Variants in RECQL5 observed in about 807,000 individuals in gnomAD.
RECQL5 encodes the protein RecQ like helicase 5.
Under a neutral mutation model 103.4 loss-of-function variants are expected in RECQL5, and 88 were observed. That is an observed-to-expected ratio of 0.85 (90% confidence interval 0.72 to 1.02). RECQL5 has a LOEUF of 1.02. RECQL5 is among the 50% of genes least tolerant of loss of function. RECQL5 has a pLI of 0.00. For missense variants in RECQL5, 1,232 were observed against 1,284.3 expected, an observed-to-expected ratio of 0.96 and a Z score of 0.62; for synonymous variants, 552 against 507.9, an observed-to-expected ratio of 1.09 and a Z score of -1.17.
intron 8 of RECQL5, among the ~76,000 whole-genome samples, chr17:75,635,212 T>C (rs888978914): frequency 6.6e-6 from 1 of 152,208 alleles, no homozygotes; most frequent in Non-Finnish European, 1.5e-5. Flanking sequence ...CGGCTGGGGC[T>C]GGTGTCTGGG....
chr17:75,627,005 G>A lies in RECQL5; in HGVS notation c.*417C>T. The A allele has an allele frequency of 2.7e-6, 1 of 373,254 alleles. No homozygotes were observed. Among genetic ancestry groups the A allele is most frequent in the South Asian group, 2.0e-5 (1 of 49,090 alleles). 23.1% of individuals were successfully genotyped at this position (373,254 alleles called of 1,614,324 possible). On this transcript the variant is annotated 3_prime_UTR_variant, in exon 20 of 20. Coordinates refer to ENST00000317905, the MANE Select transcript of RECQL5 (RefSeq NM_004259.7). Reference sequence around the variant, plus strand: ...TCTGACCTGGGCAAGGCTGGAAGCTGGCATCGTAATGGATGGGGGAGTGGG... The same window carrying A: ...TCTGACCTGGGCAAGGCTGGAAGCTAGCATCGTAATGGATGGGGGAGTGGG...
At chr17:75,664,054 CAAAAAAA>C (rs34569441) in intron 3 of RECQL5, among the ~76,000 whole-genome samples, 1 of 105,714 alleles carries the variant, frequency 9.5e-6, no homozygotes, top group Admixed American at 1.1e-4. Flanking sequence ...AACTCCATCT[CAAAAAAA>C]AAAAAAAAAA....
intron 8 of RECQL5, chr17:75,650,612 T>C: frequency 6.2e-7 from 1 of 1,606,726 alleles, no homozygotes; most frequent in East Asian, 2.3e-5. Context: ...ATGTAAAAAC[T>C]CCTCCTGGGT....
At chr17:75,651,975 C>T (rs1055662089) in intron 7 of RECQL5, among the ~76,000 whole-genome samples, 3 of 151,986 alleles carry the variant, frequency 2.0e-5, no homozygotes, top group African/African-American at 7.3e-5. Context: ...ACCTGTAATC[C>T]CAGCACTTTG....
At position 75,666,509 on chromosome 17, in the gene RECQL5, G is replaced by A; in HGVS notation, c.49C>T (p.Arg17Trp). 2 of 1,614,098 alleles carry A rather than the reference G, an allele frequency of 1.2e-6. No individual in the cohort carries two copies. The highest frequency in any genetic ancestry group is 1.7e-6 in the Non-Finnish European group (2 of 1,180,010). Residue 17 changes from arginine (R) to tryptophan (W), a missense_variant, in exon 2 of 20, where the codon CGG becomes TGG. Coordinates refer to ENST00000317905, the MANE Select transcript of RECQL5 (RefSeq NM_004259.7). ...CCAAAGACCTTCTTCAGCGTACTCCGGACTCGCCGCTCAGGGTCAAAAGGA... is the reference window on the plus strand; with the variant it reads ...CCAAAGACCTTCTTCAGCGTACTCCAGACTCGCCGCTCAGGGTCAAAAGGA... ...TFPFDPERRV[R>W]STLKKVFGFD... is the part of the protein sequence containing the mutation.
At position 75,628,388 on chromosome 17, in the gene RECQL5, C is replaced by T. The variant is rs201903596; in HGVS notation, c.2635G>A (p.Val879Ile). The change falls in exon 18 of 20, where the codon GTC (valine) becomes ATC (isoleucine). Residue 879 changes from valine to isoleucine, a missense_variant. Coordinates refer to ENST00000317905, the MANE Select transcript of RECQL5 (RefSeq NM_004259.7). ...ACGCTGCCCTTGACCTCAGCTACGA[C>T]GGAGGGCTTGGCTGAGGGGCGTGGC... is the stretch of plus-strand genomic sequence containing the variant. ...KRPRPSAKPS[V>I]VAEVKGSVSA... The T allele has an allele frequency of 1.3e-4, 203 of 1,613,850 alleles. No individual in the cohort carries two copies. Among genetic ancestry groups the T allele is most frequent in the Non-Finnish European group, 1.5e-4 (173 of 1,180,030 alleles).
chr17:75,658,655 C>T (rs150410942), intron 6 of RECQL5, among the ~76,000 whole-genome samples, 195 bp from the exon 7 acceptor site: 152 of 152,228 alleles, frequency 1.0e-3, no homozygotes, highest in Admixed American at 2.6e-3. Context: ...TTAGAGGCCA[C>T]AGCAGGAGTT....
chr17:75,633,380 G>A, intron 8 of RECQL5: 2 of 1,232,548 alleles, frequency 1.6e-6, no homozygotes. Flanking sequence ...ATGTCACAGG[G>A]CCCGGCCCCT....
At chr17:75,647,612 C>T in intron 8 of RECQL5, 1 of 1,533,148 alleles carries the variant, frequency 6.5e-7, no homozygotes, top group African/African-American at 1.4e-5. Context: ...GCGAGCTGAC[C>T]TGCCCCCATT....
chr17:75,650,684 C>A (rs2059543601), intron 8 of RECQL5: 17 of 1,614,064 alleles, frequency 1.1e-5, no homozygotes, highest in Non-Finnish European at 1.4e-5. Context: ...CACCAAGCAG[C>A]CCTCAGACTC....
intron 2 of RECQL5, among the ~76,000 whole-genome samples, chr17:75,665,689 C>CAAAAAAA (rs1184942786): frequency 1.6e-5 from 1 of 63,400 alleles, no homozygotes; most frequent in Non-Finnish European, 3.1e-5. Context: ...GACTCTGTTT[C>CAAAAAAA]AAAAAAAAAA....
chr17:75,650,742 G>A, intron 8 of RECQL5: 1 of 1,608,466 alleles, frequency 6.2e-7, no homozygotes, highest in Non-Finnish European at 8.5e-7. Flanking sequence ...TAAAACAGAT[G>A]CGTGAGTTCA....
At position 75,666,561 on chromosome 17, in the gene RECQL5, A is replaced by G. The variant is rs375303190; in HGVS notation, c.-4T>C. Reference sequence around the variant, plus strand: ...AGGTGGTATGGTGGCTGCTCATCTTAGCCAAGAACAGTGGCCAAAGGTTAA... The same window carrying G: ...AGGTGGTATGGTGGCTGCTCATCTTGGCCAAGAACAGTGGCCAAAGGTTAA... On this transcript the variant is annotated 5_prime_UTR_variant, in exon 2 of 20. Coordinates refer to ENST00000317905, the MANE Select transcript of RECQL5 (RefSeq NM_004259.7). 2.5e-6 allele frequency: 4 copies of G among 1,613,814 alleles called. No individual in the cohort carries two copies. The African/African-American group carries it at 4.0e-5, about 16-fold the overall frequency.
chr17:75,628,522 C>CG, intron 17 of RECQL5, 80 bp from the exon 18 acceptor site: 1 of 1,541,008 alleles, frequency 6.5e-7, no homozygotes, highest in African/African-American at 1.4e-5. Flanking sequence ...ACTGGGTCCC[C>CG]GCACCAGCTG....
At position 75,651,166 on chromosome 17, in the gene RECQL5, A is replaced by G; in HGVS notation, c.1229+20T>C. ...TGATCTCACTGACACTTTGCTCCAC[A>G]TATAAAATAAGTCACTTACCCCAGT... On this transcript the variant is annotated intron_variant, in intron 8 of 19. Coordinates refer to ENST00000317905, the MANE Select transcript of RECQL5 (RefSeq NM_004259.7). 6.2e-7 allele frequency: 1 copy of G among 1,614,184 alleles called. No individual in the cohort carries two copies. The highest frequency in any genetic ancestry group is 8.5e-7 in the Non-Finnish European group (1 of 1,180,034).
chr17:75,627,700 G>A lies in RECQL5; in HGVS notation c.2806-8C>T, dbSNP rs1356040384. 6.3e-7 allele frequency: 1 copy of A among 1,598,794 alleles called. No individual in the cohort carries two copies. Among genetic ancestry groups the A allele is most frequent in the Non-Finnish European group, 8.5e-7 (1 of 1,172,188 alleles). On this transcript the variant is annotated splice_region_variant and splice_polypyrimidine_tract_variant and intron_variant, in intron 18 of 19. Transcript: ENST00000317905. ...AAAGCCTTTAAACAACTCCTGGAAG[G>A]GAGAGGGAGAAGAGAAGCAGAGAGC... is the stretch of plus-strand genomic sequence containing the variant.
At chr17:75,654,562 T>C (rs1349998093) in intron 7 of RECQL5, among the ~76,000 whole-genome samples, 1 of 152,352 alleles carries the variant, frequency 6.6e-6, no homozygotes, top group Middle Eastern at 3.4e-3. Flanking sequence ...CTTTGTTATC[T>C]GAAGATGTCT....
At chr17:75,627,968 G>C (rs578052776) in intron 18 of RECQL5, among the ~76,000 whole-genome samples, 1 of 150,482 alleles carries the variant, frequency 6.6e-6, no homozygotes, top group Non-Finnish European at 1.5e-5. Context: ...GCAGTGAGCT[G>C]AAATCGCACC....
chr17:75,663,238 T>A (rs2059722575), intron 3 of RECQL5, among the ~76,000 whole-genome samples: 1 of 152,230 alleles, frequency 6.6e-6, no homozygotes, highest in African/African-American at 2.4e-5. Flanking sequence ...TAATGAGATC[T>A]CTTAAAGATG....
Sources: gnomAD v4.1 joint callset for allele counts (sites outside exome capture counted in the v4.1 genomes callset) on GRCh38, gnomAD v4.1.1 for gene constraint, MANE v1.5 for transcripts, NCBI Gene and HGNC (gene_info 2026-07-23, HGNC 2026-07-21) for gene names.